Variants in JAM2 observed in about 807,000 individuals in gnomAD.
JAM2 encodes junctional adhesion molecule 2.
Under a neutral mutation model 42.0 loss-of-function variants are expected in JAM2, and 17 were observed. That is an observed-to-expected ratio of 0.40 (90% CI 0.28 to 0.61). The LOEUF is 0.61. Among genes scored for constraint, JAM2 ranks in the 20% least tolerant of loss-of-function variants. JAM2 has a pLI of 0.37. For missense variants in JAM2, 319 were observed against 358.3 expected, an observed-to-expected ratio of 0.89 and a Z score of 0.89; for synonymous variants, 118 against 128.6, an observed-to-expected ratio of 0.92 and a Z score of 0.56.
At position 25,640,104 on chromosome 21, in the gene JAM2, G is replaced by A. The variant is rs541759182; in HGVS notation, c.67+216G>A. Among the ~76,000 whole-genome samples, 335 of 152,344 alleles carry A rather than the reference G, an allele frequency of 2.2e-3. 3 individuals are homozygous for A. The highest frequency in any genetic ancestry group is 7.9e-3 in the African/African-American group (329 of 41,584). On this transcript the variant is annotated intron_variant, in intron 1 of 9. Transcript: ENST00000480456. Reference sequence around the variant, plus strand: ...CGAGGTCGTGGGTTTCTTGTGAATTGCGTCTGATTTTGTCAGTTCTAGATA... The same window carrying A: ...CGAGGTCGTGGGTTTCTTGTGAATTACGTCTGATTTTGTCAGTTCTAGATA...
intron 1 of JAM2, among the ~76,000 whole-genome samples, chr21:25,641,170 T>A (rs1406349154): frequency 6.6e-6 from 1 of 151,910 alleles, no homozygotes; most frequent in Non-Finnish European, 1.5e-5. Context: ...AGAAAAAAAA[T>A]GCACTCATGC....
intron 6 of JAM2, 92 bp downstream of exon 6, chr21:25,702,361 T>C: frequency 1.5e-6 from 1 of 646,156 alleles, no homozygotes; most frequent in South Asian, 2.6e-5. Context: ...GCAGGAAATG[T>C]CTGAGTGACT....
Position 25,703,950 on chromosome 21 carries a change from A to G in JAM2, c.697+1681A>G, listed in dbSNP as rs1291550425. Among the ~76,000 whole-genome samples the G allele has an allele frequency of 3.3e-5, 5 of 152,298 alleles. 1 individual carries two copies. Among genetic ancestry groups the G allele is most frequent in the African/African-American group, 1.2e-4 (5 of 41,570 alleles). On this transcript the variant is annotated intron_variant, in intron 6 of 9. Transcript: ENST00000480456. The stretch of plus-strand genomic sequence containing the variant: ...TTTCACTGAAGAAAAATAACATAAA[A>G]TTCATACTACAACTTAGCACTTACA...
At chr21:25,667,476 C>T (rs956532235) in intron 1 of JAM2, among the ~76,000 whole-genome samples, 2 of 152,216 alleles carry the variant, frequency 1.3e-5, no homozygotes, top group African/African-American at 4.8e-5. Flanking sequence ...ACGTCATTCA[C>T]ATAATTCTTA....
intron 1 of JAM2, among the ~76,000 whole-genome samples, chr21:25,641,343 T>C (rs1228647199): frequency 6.6e-6 from 1 of 152,228 alleles, no homozygotes; most frequent in Non-Finnish European, 1.5e-5. Flanking sequence ...GCTATTCCTA[T>C]TGAATCACCA....
chr21:25,689,747 T>C (rs1360080224), intron 2 of JAM2, 119 bp from the exon 3 acceptor site: 3 of 637,944 alleles, frequency 4.7e-6, no homozygotes, highest in Non-Finnish European at 8.3e-6. Context: ...TATGAATGAA[T>C]GAATGAATAA....
At chr21:25,657,978 G>A (rs542318695) in intron 1 of JAM2, among the ~76,000 whole-genome samples, 17 of 152,278 alleles carry the variant, frequency 1.1e-4, no homozygotes, top group African/African-American at 3.4e-4. Flanking sequence ...CTTTTTGTTT[G>A]ATGCAGTAGG....
intron 1 of JAM2, chr21:25,643,913 A>T (rs1425361728): frequency 6.6e-6 from 1 of 152,126 alleles, no homozygotes; most frequent in Non-Finnish European, 1.5e-5. Flanking sequence ...CCTCATAGAG[A>T]AGATGTATTG....
intron 8 of JAM2, chr21:25,711,392 A>G (rs1221878812): frequency 2.2e-6 from 1 of 456,024 alleles, no homozygotes; most frequent in South Asian, 1.5e-5. Flanking sequence ...CTTTGGCTCT[A>G]TGGGCGTAGA....
chr21:25,711,271 T>A, intron 8 of JAM2: 1 of 311,450 alleles, frequency 3.2e-6, no homozygotes, highest in Non-Finnish European at 6.3e-6. Context: ...GGAAATGGAA[T>A]TGTAGGAGTC....
At chr21:25,684,565 CT>C (rs1306945245) in intron 2 of JAM2, among the ~76,000 whole-genome samples, 1 of 152,052 alleles carries the variant, frequency 6.6e-6, no homozygotes, top group African/African-American at 2.4e-5. Flanking sequence ...TATATATGGG[CT>C]TTTTAATAAG....
chr21:25,664,582 C>T (rs536419444), intron 1 of JAM2, among the ~76,000 whole-genome samples: 3 of 152,312 alleles, frequency 2.0e-5, no homozygotes, highest in African/African-American at 7.2e-5. Flanking sequence ...TCTAGAACAT[C>T]GAACATTGTT....
chr21:25,678,441 G>A (rs536677961), intron 1 of JAM2, among the ~76,000 whole-genome samples: 1 of 152,240 alleles, frequency 6.6e-6, no homozygotes, highest in East Asian at 1.9e-4. Context: ...AAAGGGATAT[G>A]GGGGAAGAGA....
At chr21:25,678,596 G>C (rs1462462941) in intron 1 of JAM2, among the ~76,000 whole-genome samples, 1 of 152,188 alleles carries the variant, frequency 6.6e-6, no homozygotes, top group Non-Finnish European at 1.5e-5. Context: ...ACCTCTCTAA[G>C]ATTGAGCCAC....
At chr21:25,704,030 G>A (rs73161758) in intron 6 of JAM2, among the ~76,000 whole-genome samples, 13,466 of 150,880 alleles carry the variant, frequency 0.089, 771 homozygotes, top group East Asian at 0.3. Context: ...TTCCTTCATA[G>A]ATGTCAAATT....
At chr21:25,675,244 C>T (rs34508665) in intron 1 of JAM2, among the ~76,000 whole-genome samples, 8,381 of 152,112 alleles carry the variant, frequency 0.055, 279 homozygotes, top group Middle Eastern at 0.11. Context: ...ACCTGTAATC[C>T]TAGCACTTTG....
chr21:25,709,356 C>A, intron 7 of JAM2, 78 bp from the exon 8 acceptor site: 2 of 767,260 alleles, frequency 2.6e-6, no homozygotes, highest in Non-Finnish European at 4.2e-6. Flanking sequence ...ATAAATTAAA[C>A]CCAAACTCAT....
chr21:25,666,994 C>T (rs983644057), intron 1 of JAM2, among the ~76,000 whole-genome samples: 5 of 152,140 alleles, frequency 3.3e-5, no homozygotes, highest in African/African-American at 1.2e-4. Context: ...TTGGCTACTT[C>T]AAAATCTTTT....
At chr21:25,650,990 T>G (rs1013847841) in intron 1 of JAM2, among the ~76,000 whole-genome samples, 2 of 144,656 alleles carry the variant, frequency 1.4e-5, no homozygotes, top group African/African-American at 2.6e-5. Flanking sequence ...TCCATGAGAA[T>G]TAATTTCAAA....
Sources: gnomAD v4.1 joint callset for allele counts (sites outside exome capture counted in the v4.1 genomes callset) on GRCh38, gnomAD v4.1.1 for gene constraint, MANE v1.5 for transcripts, NCBI Gene and HGNC (gene_info 2026-07-23, HGNC 2026-07-21) for gene names.